Variants in ETV1 observed in about 807,000 individuals in gnomAD.
ETV1 encodes ETS translocation variant 1.
In ETV1, 27 loss-of-function variants were observed where a neutral mutation model predicts 62.3. That is an observed-to-expected ratio of 0.43 (90% confidence interval 0.32 to 0.60). The LOEUF (loss-of-function observed/expected upper bound fraction) is 0.60. Among genes scored for constraint, ETV1 ranks in the 20% least tolerant of loss-of-function variants. The pLI is 0.06. For missense variants in ETV1, 605 were observed against 605.8 expected (o/e 1.00, Z 0.01); for synonymous variants, 222 against 199.6 (o/e 1.11, Z -0.94).
intron 11 of ETV1, 93 bp from the exon 12 acceptor site, chr7:13,906,692 C>A: frequency 1.2e-6 from 1 of 817,858 alleles, no homozygotes; most frequent in South Asian, 2.4e-5. Flanking sequence ...ATGGTTAAAC[C>A]ACAATCAACC....
chr7:13,985,757 T>G (rs1782491459), intron 5 of ETV1, among the ~76,000 whole-genome samples: 1 of 152,214 alleles, frequency 6.6e-6, no homozygotes, highest in Non-Finnish European at 1.5e-5. Context: ...TTCACATTTG[T>G]ATGCCAAATC....
At chr7:13,948,086 A>G (rs1788380493) in intron 6 of ETV1, among the ~76,000 whole-genome samples, 1 of 152,164 alleles carries the variant, frequency 6.6e-6, no homozygotes, top group Non-Finnish European at 1.5e-5. Context: ...CCTTCTTTCA[A>G]TTTATTACTG....
intron 10 of ETV1, 25 bp downstream of exon 10, chr7:13,911,214 G>A (rs771692647): frequency 1.2e-4 from 194 of 1,555,748 alleles, no homozygotes; most frequent in Non-Finnish European, 1.5e-4. Flanking sequence ...GTATTTACAC[G>A]GAATTTCAGT....
intron 9 of ETV1, among the ~76,000 whole-genome samples, chr7:13,919,424 T>C (rs1784564710): frequency 6.6e-6 from 1 of 150,568 alleles, no homozygotes; most frequent in South Asian, 2.1e-4. Flanking sequence ...AAAATACTTT[T>C]AAAGAGAATA....
intron 6 of ETV1, among the ~76,000 whole-genome samples, chr7:13,954,582 C>T (rs1455619141): frequency 6.6e-6 from 1 of 152,180 alleles, no homozygotes; most frequent in African/African-American, 2.4e-5. Flanking sequence ...ATTTTATTCT[C>T]TTTTGAGTTA....
At chr7:13,904,693 T>C (rs1485314752) in intron 12 of ETV1, among the ~76,000 whole-genome samples, 1 of 152,002 alleles carries the variant, frequency 6.6e-6, no homozygotes, top group African/African-American at 2.4e-5. Flanking sequence ...TACAAATCCC[T>C]GTAGAAAGTG....
chr7:13,917,577 A>G (rs934483259), intron 9 of ETV1, among the ~76,000 whole-genome samples: 2 of 151,192 alleles, frequency 1.3e-5, no homozygotes, highest in African/African-American at 4.8e-5. Context: ...TTGGCCTCCC[A>G]AAGTACTGGG....
rs1038081303 is a variant in ETV1, at chr7:13,893,434, T to C, written c.*2432A>G. The C allele has an allele frequency of 1.0e-4, 23 of 230,456 alleles. 1 individual carries two copies. The Admixed American group carries it at 1.2e-3, about 12-fold the overall frequency. The allele number at this position is 230,456 out of a possible 1,614,324, so 14.3% of individuals were successfully genotyped here. ...CCTTCTGTATTGGAAATACACTTAA[T>C]GTTGGTCAATTATGTATTTAGTTCA... On this transcript the variant is annotated 3_prime_UTR_variant, in exon 14 of 14. Coordinates refer to ENST00000430479, the MANE Select transcript of ETV1 (RefSeq NM_004956.5).
chr7:13,917,693 G>A (rs111578980), intron 9 of ETV1, among the ~76,000 whole-genome samples: 57,305 of 151,526 alleles, frequency 0.38, 11,038 homozygotes, highest in African/African-American at 0.41. Flanking sequence ...GGCCGGGCGC[G>A]GTGGCTCACG....
intron 9 of ETV1, among the ~76,000 whole-genome samples, chr7:13,923,752 G>A (rs1022988620): frequency 1.3e-5 from 2 of 152,108 alleles, no homozygotes; most frequent in African/African-American, 2.4e-5. Flanking sequence ...TGAAGAATGG[G>A]CCAGCCACAG....
intron 9 of ETV1, among the ~76,000 whole-genome samples, chr7:13,929,494 T>C (rs1468022678): frequency 2.0e-5 from 3 of 152,160 alleles, no homozygotes; most frequent in African/African-American, 7.2e-5. Context: ...TGGAGAGAGC[T>C]AGTACCCAGT....
At chr7:13,945,166 G>A (rs1433753051) in intron 6 of ETV1, among the ~76,000 whole-genome samples, 1 of 152,042 alleles carries the variant, frequency 6.6e-6, no homozygotes, top group Non-Finnish European at 1.5e-5. Flanking sequence ...ATTAGAGCTG[G>A]GTTGTATCAG....
chr7:13,899,921 G>C (rs147222000), intron 13 of ETV1, among the ~76,000 whole-genome samples: 2,087 of 152,290 alleles, frequency 0.014, 62 homozygotes, highest in African/African-American at 0.048. Flanking sequence ...CTGAGGTCAG[G>C]AGTTCAAGAC....
intron 6 of ETV1, chr7:13,958,706 T>G (rs988670867): frequency 1.3e-5 from 2 of 152,172 alleles, no homozygotes; most frequent in Non-Finnish European, 2.9e-5. Context: ...ATCTACAACT[T>G]GGCTGCTGTG....
At chr7:13,931,385 T>A in intron 9 of ETV1, 117 bp downstream of exon 9, 1 of 1,118,362 alleles carries the variant, frequency 8.9e-7, no homozygotes, top group South Asian at 1.5e-5. Context: ...GGACAAAATC[T>A]GAAAGATCTT....
Position 13,892,578 on chromosome 7 carries a change from T to G in ETV1, c.*3288A>C, listed in dbSNP as rs1209335022. Reference sequence around the variant, plus strand: ...GCCCTCACCCCTTACATCCATGTCCTAATCCCTGGGACCTATGAATAATTA... The same window carrying G: ...GCCCTCACCCCTTACATCCATGTCCGAATCCCTGGGACCTATGAATAATTA... On this transcript the variant is annotated 3_prime_UTR_variant, in exon 14 of 14. Transcript: ENST00000430479. 2.6e-5 allele frequency: 6 copies of G among 232,612 alleles called. No homozygotes were observed. Among genetic ancestry groups the G allele is most frequent in the Non-Finnish European group, 2.5e-5 (3 of 117,710 alleles). 14.4% of individuals were successfully genotyped at this position (232,612 alleles called of 1,614,324 possible). A position where few individuals can be genotyped will look rare whatever the true frequency, so the allele number is the denominator to read the frequency against.
intron 5 of ETV1, chr7:13,985,278 T>C (rs1339071587): frequency 6.6e-6 from 1 of 152,096 alleles, no homozygotes; most frequent in Non-Finnish European, 1.5e-5. Flanking sequence ...TAAAAAGTAA[T>C]GTATTGCAGT....
At chr7:13,896,189 T>C (rs1020713863) in intron 13 of ETV1, 102 bp from the exon 14 acceptor site, 6 of 828,652 alleles carry the variant, frequency 7.2e-6, no homozygotes, top group Middle Eastern at 6.1e-4. Context: ...CAGGAAAGGA[T>C]GGGTAACTCT....
chr7:13,900,674 A>C, intron 13 of ETV1, 64 bp downstream of exon 13: 1 of 1,130,660 alleles, frequency 8.8e-7, no homozygotes, highest in African/African-American at 1.6e-5. Flanking sequence ...GTGGCGTTTA[A>C]AGTATGATGT....
Sources: gnomAD v4.1 joint callset for allele counts (sites outside exome capture counted in the v4.1 genomes callset) on GRCh38, gnomAD v4.1.1 for gene constraint, MANE v1.5 for transcripts, NCBI Gene and HGNC (gene_info 2026-07-23, HGNC 2026-07-21) for gene names.